TMEM132C: variants seen among roughly 807,000 people sequenced by gnomAD.
The protein encoded by TMEM132C is protein phosphatase 1, regulatory subunit 152.
A neutral mutation model predicts 61.4 loss-of-function variants in TMEM132C; 29 were observed. That is an observed-to-expected ratio of 0.47 (90% CI 0.35 to 0.64). The LOEUF (loss-of-function observed/expected upper bound fraction) is 0.64, where lower values mean the gene tolerates loss of function less well. TMEM132C is among the 30% of genes least tolerant of loss of function. TMEM132C has a pLI of 0.00. For missense variants in TMEM132C, 1,408 were observed against 1,476.9 expected (o/e 0.95, Z 0.76); for synonymous variants, 656 against 633.1 (o/e 1.04, Z -0.54).
chr12:128,553,527 G>C (rs1008103504), intron 3 of TMEM132C, among the ~76,000 whole-genome samples: 3 of 152,098 alleles, frequency 2.0e-5, no homozygotes, highest in Non-Finnish European at 2.9e-5. Context: ...AAAGTACTTT[G>C]CTTGTCCCAT....
intron 5 of TMEM132C, among the ~76,000 whole-genome samples, chr12:128,687,987 G>A (rs1191383909): frequency 1.3e-5 from 2 of 152,032 alleles, no homozygotes; most frequent in African/African-American, 4.8e-5. Context: ...CCAGGTTTGT[G>A]TGGACCATCT....
intron 1 of TMEM132C, among the ~76,000 whole-genome samples, chr12:128,332,099 T>A (rs1365805388): frequency 6.6e-6 from 1 of 152,214 alleles, no homozygotes; most frequent in East Asian, 1.9e-4. Context: ...TTGCAAACAT[T>A]TCTTGGGTGA....
In TMEM132C at chr12:128,670,989, A is replaced by G. The variant is rs549649376; in HGVS notation, c.1449+1429A>G. 3.3e-5 allele frequency among the ~76,000 whole-genome samples: 5 copies of G among 152,318 alleles called. No individual in the cohort carries two copies. The South Asian group carries it at 8.3e-4, about 25-fold the overall frequency. On this transcript the variant is annotated intron_variant, in intron 5 of 8. Transcript: ENST00000435159. ...TTTTTAATGGGCAAAAAAATAAAAA[A>G]CAAAATACATTTGTGCTGTGGGTTG... is the stretch of plus-strand genomic sequence containing the variant.
At chr12:128,470,888 C>T (rs1002679783) in intron 2 of TMEM132C, among the ~76,000 whole-genome samples, 4 of 152,208 alleles carry the variant, frequency 2.6e-5, no homozygotes, top group Admixed American at 6.5e-5. Context: ...CACACATAAT[C>T]GGCAGGCTGC....
chr12:128,324,908 T>G (rs1165996322), intron 1 of TMEM132C, among the ~76,000 whole-genome samples: 1 of 152,256 alleles, frequency 6.6e-6, no homozygotes, highest in Non-Finnish European at 1.5e-5. Flanking sequence ...AGTGATTATG[T>G]TCTACATTCA....
chr12:128,347,418 T>TCTCTCTATCTCTCTCTCTCTCTCTCC (rs1873199378), intron 1 of TMEM132C, among the ~76,000 whole-genome samples: 10 of 149,082 alleles, frequency 6.7e-5, no homozygotes, highest in African/African-American at 2.6e-4. Flanking sequence ...TCTCTCTCTC[T>TCTCTCTATCTCTCTCTCTCTCTCTCC]CTCTCTCTCT....
At chr12:128,615,256 C>T (rs1388843267) in intron 3 of TMEM132C, among the ~76,000 whole-genome samples, 1 of 152,100 alleles carries the variant, frequency 6.6e-6, no homozygotes, top group Middle Eastern at 3.2e-3. Flanking sequence ...CACCAGGGAC[C>T]AGTTTCATGG....
rs568977548 is a variant in TMEM132C, at chr12:128,501,111, C to T, written c.975-42846C>T. On this transcript the variant is annotated intron_variant, in intron 2 of 8. Transcript: ENST00000435159. The stretch of plus-strand genomic sequence containing the variant: ...GACGAAATATTGTATGACTTCTCAC[C>T]TTCCCTTTGCATACCTTCACTTCCA... Among the ~76,000 whole-genome samples, 3 of 152,258 alleles carry T rather than the reference C, an allele frequency of 2.0e-5. No homozygotes were observed. The South Asian group carries it at 6.2e-4, about 32-fold the overall frequency.
At chr12:128,581,289 A>G (rs1394066085) in intron 3 of TMEM132C, among the ~76,000 whole-genome samples, 9 of 151,830 alleles carry the variant, frequency 5.9e-5, no homozygotes, top group African/African-American at 1.9e-4. Flanking sequence ...TTTAAACACT[A>G]ACAAAAGAAA....
chr12:128,592,275 G>T (rs1249652454), intron 3 of TMEM132C, among the ~76,000 whole-genome samples: 3 of 152,070 alleles, frequency 2.0e-5, no homozygotes, highest in Admixed American at 1.3e-4. Context: ...CGCCTGTATC[G>T]CTTCACTTAT....
intron 1 of TMEM132C, among the ~76,000 whole-genome samples, chr12:128,269,185 A>G (rs1213013702): frequency 6.6e-6 from 1 of 152,126 alleles, no homozygotes; most frequent in Non-Finnish European, 1.5e-5. Flanking sequence ...AAATGACTGA[A>G]TGGGTAGTAA....
chr12:128,604,889 GATGGATGGATGGATGGTTGA>G (rs1254868804), intron 3 of TMEM132C, among the ~76,000 whole-genome samples: 4 of 145,162 alleles, frequency 2.8e-5, no homozygotes, highest in Non-Finnish European at 5.9e-5. Context: ...GATGATAGAT[GATGGATGGATGGATGGTTGA>G]ATGGATGGAT....
intron 3 of TMEM132C, among the ~76,000 whole-genome samples, chr12:128,578,352 T>A (rs1206274408): frequency 6.6e-6 from 1 of 152,160 alleles, no homozygotes; most frequent in African/African-American, 2.4e-5. Context: ...GGATTCTCAA[T>A]TCCTCCTTCA....
At chr12:128,645,059 A>G (rs895990043) in intron 4 of TMEM132C, among the ~76,000 whole-genome samples, 4 of 152,172 alleles carry the variant, frequency 2.6e-5, no homozygotes, top group African/African-American at 7.2e-5. Flanking sequence ...CTAATGGGGC[A>G]CTGAGATTGT....
intron 3 of TMEM132C, among the ~76,000 whole-genome samples, chr12:128,593,862 C>G (rs1303949563): frequency 6.6e-6 from 1 of 152,128 alleles, no homozygotes; most frequent in African/African-American, 2.4e-5. Context: ...TTCCATCTCT[C>G]TCTCATCTCG....
intron 8 of TMEM132C, among the ~76,000 whole-genome samples, chr12:128,700,203 T>G (rs1203719376): frequency 1.3e-5 from 2 of 152,186 alleles, no homozygotes; most frequent in Non-Finnish European, 2.9e-5. Context: ...TTAGGGGGAT[T>G]TGTGGATGTA....
intron 1 of TMEM132C, among the ~76,000 whole-genome samples, chr12:128,315,891 G>A (rs10773527): frequency 0.42 from 63,582 of 151,288 alleles, 14,264 homozygotes; most frequent in East Asian, 0.78. Context: ...GGAGCCATCC[G>A]AAGCCAGGAG....
At chr12:128,444,266 C>T (rs1168740369) in intron 2 of TMEM132C, among the ~76,000 whole-genome samples, 4 of 152,134 alleles carry the variant, frequency 2.6e-5, no homozygotes, top group Admixed American at 2.0e-4. Context: ...TTTGGACCAA[C>T]CTTTTGTCAT....
At chr12:128,450,249 G>A in intron 2 of TMEM132C, among the ~76,000 whole-genome samples, 1 of 152,070 alleles carries the variant, frequency 6.6e-6, no homozygotes, top group African/African-American at 2.4e-5. Context: ...AGAGTCACTT[G>A]TGGCTACTGG....
Sources: gnomAD v4.1 joint callset for allele counts (sites outside exome capture counted in the v4.1 genomes callset) on GRCh38, gnomAD v4.1.1 for gene constraint, MANE v1.5 for transcripts, NCBI Gene and HGNC (gene_info 2026-07-23, HGNC 2026-07-21) for gene names.